The following CDH18 variants were observed in gnomAD, a reference collection of about 807,000 sequenced individuals.
The protein encoded by CDH18 is cadherin 18, also known as cadherin-18.
A neutral mutation model predicts 67.9 loss-of-function variants in CDH18; 31 were observed. The observed-to-expected ratio is 0.46, with a 90% CI of 0.34 to 0.62. The LOEUF (loss-of-function observed/expected upper bound fraction) is 0.62. Ranked by LOEUF, CDH18 falls within the 20% of genes least tolerant of loss-of-function variation. The pLI, the probability that CDH18 is intolerant of heterozygous loss-of-function variation, is 0.01. For synonymous variants in CDH18, 362 were observed against 347.2 expected (o/e 1.04, Z -0.48); for missense variants, 890 against 975.5 (o/e 0.91, Z 1.17).
intron 4 of CDH18, among the ~76,000 whole-genome samples, chr5:19,743,225 A>G (rs1469106029): frequency 6.6e-6 from 1 of 152,186 alleles, no homozygotes; most frequent in Non-Finnish European, 1.5e-5. Flanking sequence ...TATTTGTAAC[A>G]AACGCTATAT....
chr5:20,417,582 A>G (rs1181555410), intron 1 of CDH18, among the ~76,000 whole-genome samples: 1 of 152,198 alleles, frequency 6.6e-6, no homozygotes, highest in African/African-American at 2.4e-5. Context: ...AATCAGAGGA[A>G]GGGATTCCTT....
intron 11 of CDH18, among the ~76,000 whole-genome samples, chr5:19,487,277 A>T (rs1740561688): frequency 6.6e-6 from 1 of 152,214 alleles, no homozygotes; most frequent in Admixed American, 6.5e-5. Context: ...TATAGCCATA[A>T]GTCTACAGAG....
chr5:20,360,850 T>G (rs552553851), intron 1 of CDH18, among the ~76,000 whole-genome samples: 1 of 152,286 alleles, frequency 6.6e-6, no homozygotes, highest in Non-Finnish European at 1.5e-5. Flanking sequence ...TTAGGAAGTA[T>G]ACAATGACAC....
At chr5:20,305,485 C>G in intron 1 of CDH18, 1 of 1,248,060 alleles carries the variant, frequency 8.0e-7, no homozygotes, top group Non-Finnish European at 1.2e-6. Context: ...GCTGCACTCG[C>G]TGGGTCTTGG....
At chr5:20,024,468 G>A (rs1396887604) in intron 2 of CDH18, among the ~76,000 whole-genome samples, 1 of 152,134 alleles carries the variant, frequency 6.6e-6, no homozygotes, top group Admixed American at 6.5e-5. Context: ...TTCAAAGAGG[G>A]AGTGATATTC....
At chr5:19,790,730 T>TG (rs1349709065) in intron 3 of CDH18, among the ~76,000 whole-genome samples, 4 of 152,126 alleles carry the variant, frequency 2.6e-5, no homozygotes, top group African/African-American at 9.7e-5. Context: ...ATCTGGATGC[T>TG]GGATAAGGAA....
chr5:20,552,175 A>C (rs1757667638), intron 1 of CDH18, among the ~76,000 whole-genome samples: 2 of 151,474 alleles, frequency 1.3e-5, no homozygotes, highest in African/African-American at 2.4e-5. Context: ...TTTTGGTTTC[A>C]TTAAAAAAAA....
At chr5:20,259,303 A>G (rs1744472771) in intron 1 of CDH18, among the ~76,000 whole-genome samples, 1 of 152,176 alleles carries the variant, frequency 6.6e-6, no homozygotes, top group Non-Finnish European at 1.5e-5. Context: ...TAGCAAAACC[A>G]TGTACTGTCG....
At chr5:19,691,179 A>C (rs1761825774) in intron 5 of CDH18, among the ~76,000 whole-genome samples, 1 of 35,930 alleles carries the variant, frequency 2.8e-5, no homozygotes, top group Non-Finnish European at 1.6e-4. Context: ...ACAAAAACAG[A>C]GAGTCACATA....
At position 19,529,158 on chromosome 5, in the gene CDH18, A is replaced by G. The variant is rs193075085; in HGVS notation, c.1391-8380T>C. 8.5e-3 allele frequency among the ~76,000 whole-genome samples: 1,288 copies of G among 152,110 alleles called. 11 individuals are homozygous for G. Among genetic ancestry groups the G allele is most frequent in the South Asian group, 0.032 (152 of 4,824 alleles). ...GGACTATCTCAGGCTTTGATAATAC[A>G]TTCATTATGACCAAGTGAGGGATAT... is the stretch of plus-strand genomic sequence containing the variant. On this transcript the variant is annotated intron_variant, in intron 9 of 12. Coordinates refer to ENST00000382275, the MANE Select transcript of CDH18 (RefSeq NM_004934.5).
intron 1 of CDH18, among the ~76,000 whole-genome samples, chr5:20,521,783 C>T (rs926391740): frequency 6.6e-6 from 1 of 150,844 alleles, no homozygotes; most frequent in Non-Finnish European, 1.5e-5. Context: ...GGAATAGAAC[C>T]AAGCACAAGT....
At chr5:19,798,636 C>T (rs1014080570) in intron 3 of CDH18, among the ~76,000 whole-genome samples, 3 of 151,998 alleles carry the variant, frequency 2.0e-5, no homozygotes, top group African/African-American at 7.2e-5. Flanking sequence ...CATTTATCTC[C>T]ATGCTTTTAA....
At chr5:19,952,313 T>C (rs1795872396) in intron 2 of CDH18, among the ~76,000 whole-genome samples, 1 of 152,174 alleles carries the variant, frequency 6.6e-6, no homozygotes, top group South Asian at 2.1e-4. Flanking sequence ...CCTCCCAAAG[T>C]GCTGGGATCA....
chr5:20,545,410 G>C (rs1025787411), intron 1 of CDH18, among the ~76,000 whole-genome samples: 1 of 152,182 alleles, frequency 6.6e-6, no homozygotes, highest in Non-Finnish European at 1.5e-5. Context: ...TTCTCCATGA[G>C]GGCTCCACCC....
At chr5:20,174,136 TG>T (rs1737051328) in intron 2 of CDH18, among the ~76,000 whole-genome samples, 1 of 152,226 alleles carries the variant, frequency 6.6e-6, no homozygotes. Flanking sequence ...AACTCCTATC[TG>T]TTCTTTTTAG....
chr5:20,237,196 A>G (rs1447889330), intron 2 of CDH18, among the ~76,000 whole-genome samples: 2 of 151,968 alleles, frequency 1.3e-5, no homozygotes, highest in Non-Finnish European at 2.9e-5. Context: ...GGGCATCTAC[A>G]AAATGCCAAA....
intron 9 of CDH18, among the ~76,000 whole-genome samples, chr5:19,535,102 C>T (rs1214288739): frequency 1.2e-4 from 19 of 152,298 alleles, no homozygotes; most frequent in African/African-American, 1.4e-4. Flanking sequence ...GAATAACCCA[C>T]GTAAGCTGTT....
At chr5:20,286,221 T>A (rs1011538966) in intron 1 of CDH18, among the ~76,000 whole-genome samples, 22 of 151,616 alleles carry the variant, frequency 1.5e-4, no homozygotes, top group African/African-American at 5.3e-4. Flanking sequence ...AGAATGAAAC[T>A]TTTAATGAAA....
At chr5:20,304,454 C>T (rs1236435039) in intron 1 of CDH18, 11 of 1,525,474 alleles carry the variant, frequency 7.2e-6, no homozygotes, top group Middle Eastern at 1.7e-4. Flanking sequence ...TCCACCTTTG[C>T]ATTCACCACT....
Sources: gnomAD v4.1 joint callset for allele counts (sites outside exome capture counted in the v4.1 genomes callset) on GRCh38, gnomAD v4.1.1 for gene constraint, MANE v1.5 for transcripts, NCBI Gene and HGNC (gene_info 2026-07-23, HGNC 2026-07-21) for gene names.